HEATR4: variants seen among roughly 807,000 people sequenced by gnomAD.
HEATR4 encodes the protein HEAT repeat containing 4.
Under a neutral mutation model 108.8 loss-of-function variants are expected in HEATR4, and 95 were observed. The ratio of observed to expected loss-of-function variants is 0.87; its 90% CI spans 0.74 to 1.04. The LOEUF (loss-of-function observed/expected upper bound fraction) is 1.04, where lower values mean the gene tolerates loss of function less well. HEATR4 is among the 50% of genes least tolerant of loss of function. The pLI is 0.00. For missense variants in HEATR4, 1,152 were observed against 1,253.8 expected (o/e 0.92, Z 1.23); for synonymous variants, 443 against 459.4 (o/e 0.96, Z 0.46).
At chr14:73,514,269 C>A in intron 5 of HEATR4, 35 bp from the exon 6 acceptor site, 2 of 1,595,294 alleles carry the variant, frequency 1.3e-6, no homozygotes, top group South Asian at 1.1e-5. Flanking sequence ...CTTTTCACCC[C>A]ACTGCCTTAG....
At chr14:73,534,472 T>C (rs1457467391) in intron 1 of HEATR4, among the ~76,000 whole-genome samples, 1 of 112,300 alleles carries the variant, frequency 8.9e-6, no homozygotes, top group African/African-American at 2.9e-5. Flanking sequence ...GTGGGAGGAT[T>C]GCTTAAGCCC....
chr14:73,579,655 A>C, the HEATR4 span, among the ~76,000 whole-genome samples: 2 of 151,434 alleles, frequency 1.3e-5, no homozygotes, highest in African/African-American at 4.9e-5. Context: ...GGGCTCAGGC[A>C]ATCTTCCCAC....
At position 73,492,972 on chromosome 14, in the gene HEATR4, G is replaced by C; in HGVS notation, c.2844+94C>G. 1 of 1,595,876 alleles carries C rather than the reference G, an allele frequency of 6.3e-7. No individual in the cohort carries two copies. ...CTTGTTGATTGCTGGAAACAAGGCA[G>C]TAGTGATTCTCCGCTGCCACTGCTA... is the stretch of plus-strand genomic sequence containing the variant. On this transcript the variant is annotated intron_variant, in intron 17 of 17. Coordinates refer to ENST00000553558, the MANE Select transcript of HEATR4 (RefSeq NM_001220484.1). The surrounding 1 kb of genome is among the most constrained non-coding windows in gnomAD (Gnocchi z 4.9).
chr14:73,614,275 C>T, the HEATR4 span, among the ~76,000 whole-genome samples: 26 of 152,154 alleles, frequency 1.7e-4, no homozygotes, highest in Non-Finnish European at 3.8e-4. Context: ...TGTGATTATT[C>T]TCCAAAACAA....
At chr14:73,509,866 A>ATATATATATTTATATATT (rs1566832362) in intron 7 of HEATR4, among the ~76,000 whole-genome samples, 4 of 67,524 alleles carry the variant, frequency 5.9e-5, no homozygotes, top group African/African-American at 2.5e-4. Flanking sequence ...ATATATATAT[A>ATATATATATTTATATATT]TATTTATTTA....
Position 73,478,645 on chromosome 14 carries a change from G to C in HEATR4, c.3042C>G (p.Ile1014Met), listed in dbSNP as rs1801116561. ...KFSERTFFSP[I>M]MSSPSGKKGA... ...CTTTCTTTCCAGAGGGAGAAGACAT[G>C]ATGGGAGAAAAAAATGTTCTCTCTG... is the stretch of plus-strand genomic sequence containing the variant. The change falls in exon 18 of 18, where the codon ATC becomes ATG. Residue 1014 changes from isoleucine (I) to methionine (M), a missense_variant. By Grantham distance (10) the Ile-to-Met change is conservative. Transcript: ENST00000553558. 6.2e-6 allele frequency: 10 copies of C among 1,613,786 alleles called. No homozygotes were observed. Among genetic ancestry groups the C allele is most frequent in the South Asian group, 1.1e-5 (1 of 91,064 alleles).
At chr14:73,588,481 T>C in the HEATR4 span, among the ~76,000 whole-genome samples, 3 of 152,316 alleles carry the variant, frequency 2.0e-5, no homozygotes, top group Non-Finnish European at 4.4e-5. Context: ...TTCTAGGGAA[T>C]GCTAACTCCA....
intron 10 of HEATR4, among the ~76,000 whole-genome samples, chr14:73,505,890 CT>C (rs139879719): frequency 0.01 from 1,174 of 113,308 alleles, 18 homozygotes; most frequent in African/African-American, 0.032. Flanking sequence ...ATAAACGTTT[CT>C]TTTTTTTTTT....
chr14:73,602,113 G>A, the HEATR4 span, among the ~76,000 whole-genome samples: 3 of 152,020 alleles, frequency 2.0e-5, no homozygotes, highest in Non-Finnish European at 4.4e-5. Flanking sequence ...GCTAATTTTC[G>A]TATTTTCAGT....
intron 1 of HEATR4, among the ~76,000 whole-genome samples, chr14:73,533,623 G>A (rs1172346225): frequency 8.7e-6 from 1 of 114,930 alleles, no homozygotes; most frequent in Non-Finnish European, 1.9e-5. Context: ...AGGTTTCAGT[G>A]AGCTGAGACC....
At chr14:73,516,743 C>T (rs1887624576) in intron 5 of HEATR4, among the ~76,000 whole-genome samples, 1 of 152,186 alleles carries the variant, frequency 6.6e-6, no homozygotes, top group Admixed American at 6.5e-5. Context: ...TGAGCTCTGC[C>T]TCCTGTCAGA....
intron 2 of HEATR4, among the ~76,000 whole-genome samples, chr14:73,524,304 A>ATATATATAT (rs1315675578): frequency 2.1e-5 from 2 of 93,776 alleles, no homozygotes; most frequent in African/African-American, 5.4e-5. Flanking sequence ...AAAAAAAAAA[A>ATATATATAT]AAAAAAATAT....
At chr14:73,628,157 C>G in the HEATR4 span, among the ~76,000 whole-genome samples, 3 of 152,110 alleles carry the variant, frequency 2.0e-5, no homozygotes, top group African/African-American at 7.2e-5. Flanking sequence ...AGCCCCCATA[C>G]TGAAGCTACC....
chr14:73,579,773 G>T, the HEATR4 span, among the ~76,000 whole-genome samples: 1 of 151,734 alleles, frequency 6.6e-6, no homozygotes, highest in Non-Finnish European at 1.5e-5. Context: ...CGTCCAATGG[G>T]CATGGTTTTT....
chr14:73,528,886 G>A (rs1396450654), intron 2 of HEATR4: 1 of 152,172 alleles, frequency 6.6e-6, no homozygotes, highest in African/African-American at 2.4e-5. Flanking sequence ...TTAAAAGAGA[G>A]GGTGCTTAGA....
At chr14:73,592,015 T>A in the HEATR4 span, 27 of 1,435,340 alleles carry the variant, frequency 1.9e-5, no homozygotes, top group Admixed American at 2.0e-4. Flanking sequence ...AACGAGCCGG[T>A]GCGCATTGCC....
chr14:73,594,146 T>C, the HEATR4 span, among the ~76,000 whole-genome samples: 1 of 152,210 alleles, frequency 6.6e-6, no homozygotes. Context: ...ATATTGCAAA[T>C]TGAATTTCTA....
chr14:73,592,246 G>C, the HEATR4 span: 34 of 1,613,300 alleles, frequency 2.1e-5, no homozygotes, highest in South Asian at 3.6e-4. Context: ...TTCCTGAAGC[G>C]GGACGTACAG....
chr14:73,592,060 T>C, the HEATR4 span: 1 of 1,478,828 alleles, frequency 6.8e-7, no homozygotes, highest in Non-Finnish European at 9.0e-7. Context: ...CGGGTTACGC[T>C]GCGCGCGTCC....
Sources: allele counts gnomAD v4.1 joint callset (sites outside exome capture counted in the v4.1 genomes callset), GRCh38; gene constraint gnomAD v4.1.1; non-coding constraint Gnocchi (gnomAD v3.1); transcripts MANE v1.5; gene names NCBI Gene and HGNC (gene_info 2026-07-23, HGNC 2026-07-21).